The following SPATA17 variants were observed in gnomAD, a reference collection of about 807,000 sequenced individuals.
SPATA17 encodes spermatogenesis-associated protein 17.
SPATA17 carries 53 observed loss-of-function variants against 62.2 expected under a neutral mutation model. The observed-to-expected ratio is 0.85, with a 90% CI of 0.68 to 1.07. The LOEUF is 1.07. Ranked by LOEUF, SPATA17 falls within the 50% of genes least tolerant of loss-of-function variation. SPATA17 has a pLI of 0.00. For missense variants in SPATA17, 466 were observed against 425.5 expected (o/e 1.10, Z -0.84); for synonymous variants, 146 against 146.8 (o/e 0.99, Z 0.04).
At chr1:217,647,302 A>C (rs1670205148) in intron 1 of SPATA17, among the ~76,000 whole-genome samples, 1 of 152,164 alleles carries the variant, frequency 6.6e-6, no homozygotes, top group South Asian at 2.1e-4. Flanking sequence ...AAGTAGGGAG[A>C]GGTTTCAATG....
At chr1:217,687,907 CT>C (rs1368407797) in intron 5 of SPATA17, among the ~76,000 whole-genome samples, 1 of 152,166 alleles carries the variant, frequency 6.6e-6, no homozygotes, top group African/African-American at 2.4e-5. Context: ...TTAACTCTTT[CT>C]AACTTCTCTC....
intron 5 of SPATA17, among the ~76,000 whole-genome samples, chr1:217,696,393 G>T (rs950273076): frequency 9.2e-5 from 14 of 152,248 alleles, no homozygotes; most frequent in African/African-American, 3.4e-4. Context: ...CCCACTGTCT[G>T]GCACTCCCTA....
intron 6 of SPATA17, among the ~76,000 whole-genome samples, chr1:217,770,115 G>T (rs758730999): frequency 6.6e-6 from 1 of 152,120 alleles, no homozygotes; most frequent in South Asian, 2.1e-4. Flanking sequence ...ATTAGAGAGA[G>T]ATCTTTACTA....
At chr1:217,847,307 A>G (rs1465321384) in intron 9 of SPATA17, among the ~76,000 whole-genome samples, 2 of 152,114 alleles carry the variant, frequency 1.3e-5, no homozygotes, top group Admixed American at 6.6e-5. Flanking sequence ...GTAATAACAT[A>G]TAGACATTCC....
chr1:217,714,338 G>A (rs1671947101), intron 5 of SPATA17, among the ~76,000 whole-genome samples: 1 of 151,774 alleles, frequency 6.6e-6, no homozygotes, highest in African/African-American at 2.4e-5. Flanking sequence ...GCAGTGAGCC[G>A]AGAATGTGCT....
At position 217,743,979 on chromosome 1, in the gene SPATA17, G is replaced by C. The variant is rs111824477; in HGVS notation, c.519+1881G>C. Among the ~76,000 whole-genome samples, 367 of 152,108 alleles carry C rather than the reference G, an allele frequency of 2.4e-3. 6 individuals carry two copies. Among genetic ancestry groups the C allele is most frequent in the African/African-American group, 8.6e-3 (356 of 41,496 alleles). ...TTTTTCAAGGTTGTTGAGATACTGA[G>C]TATCTAGTGAAATGATTTAGAAAGT... On this transcript the variant is annotated intron_variant, in intron 6 of 10. Coordinates refer to ENST00000366933, the MANE Select transcript of SPATA17 (RefSeq NM_138796.4).
intron 9 of SPATA17, among the ~76,000 whole-genome samples, chr1:217,855,946 C>T (rs892769648): frequency 6.6e-5 from 10 of 151,722 alleles, no homozygotes; most frequent in South Asian, 2.1e-4. Flanking sequence ...AGGATGGTCT[C>T]GATCCCTTGA....
Position 217,632,012 on chromosome 1 carries a change from G to A in SPATA17, c.68+566G>A, listed in dbSNP as rs1242238392. Among the ~76,000 whole-genome samples the A allele has an allele frequency of 3.3e-5, 5 of 151,934 alleles. 1 individual carries two copies. The South Asian group carries it at 6.2e-4, about 19-fold the overall frequency. ...AACCAGGACAACATGGTGAAACCCC[G>A]TCTCTATTAAAAATACAAAAACTAG... On this transcript the variant is annotated intron_variant, in intron 1 of 10. Coordinates refer to ENST00000366933, the MANE Select transcript of SPATA17 (RefSeq NM_138796.4).
chr1:217,647,726 T>A (rs568933781), intron 1 of SPATA17, among the ~76,000 whole-genome samples: 44 of 134,466 alleles, frequency 3.3e-4, no homozygotes, highest in Admixed American at 1.8e-3. Flanking sequence ...CTTTTTAAAA[T>A]TTTTTTTTTT....
chr1:217,752,331 T>G (rs1672936134), intron 6 of SPATA17, among the ~76,000 whole-genome samples: 1 of 152,148 alleles, frequency 6.6e-6, no homozygotes. Flanking sequence ...CCTGGCAATA[T>G]TTTTTATAAT....
rs901904037 is a variant in SPATA17 at position 217,868,212 on chromosome 1, G to C, written c.*1193G>C. ...TAAAAGAATTATTGGTTTTTTTTAG[G>C]TGTCATGGTATTGTTTTGGTTTACA... is the stretch of plus-strand genomic sequence containing the variant. On this transcript the variant is annotated 3_prime_UTR_variant, in exon 11 of 11. Transcript: ENST00000366933. 7 of 152,050 alleles carry C rather than the reference G, an allele frequency of 4.6e-5. No individual in the cohort carries two copies. Among genetic ancestry groups the C allele is most frequent in the African/African-American group, 1.7e-4 (7 of 41,392 alleles). 9.4% of individuals were successfully genotyped at this position (152,050 alleles called of 1,614,324 possible). A position where few individuals can be genotyped will look rare whatever the true frequency, so the allele number is the denominator to read the frequency against.
chr1:217,690,530 G>A (rs1445300150), intron 5 of SPATA17, among the ~76,000 whole-genome samples: 9 of 132,152 alleles, frequency 6.8e-5, no homozygotes, highest in Non-Finnish European at 1.4e-4. Context: ...GGGTACATGT[G>A]CACATTGTGC....
chr1:217,786,023 A>T (rs536369273), intron 8 of SPATA17, among the ~76,000 whole-genome samples: 1 of 152,286 alleles, frequency 6.6e-6, no homozygotes, highest in East Asian at 1.9e-4. Context: ...ATTAATAAAT[A>T]ATTATGAAGG....
Position 217,870,329 on chromosome 1 carries a change from C to A in SPATA17, c.*3310C>A, listed in dbSNP as rs1353231423. The A allele has an allele frequency of 6.6e-6, 1 of 152,052 alleles. No homozygotes were observed. Among genetic ancestry groups the A allele is most frequent in the East Asian group, 1.9e-4 (1 of 5,178 alleles). 9.4% of individuals were successfully genotyped at this position (152,052 alleles called of 1,614,324 possible). A position where few individuals can be genotyped will look rare whatever the true frequency, so the allele number is the denominator to read the frequency against. On this transcript the variant is annotated 3_prime_UTR_variant, in exon 11 of 11. Coordinates refer to ENST00000366933, the MANE Select transcript of SPATA17 (RefSeq NM_138796.4). Reference sequence around the variant, plus strand: ...TTTTTGAATGCTTAAGGCTCTTTATCGCTAGTGTATGTAAGTAATATCATT... The same window carrying A: ...TTTTTGAATGCTTAAGGCTCTTTATAGCTAGTGTATGTAAGTAATATCATT...
intron 6 of SPATA17, among the ~76,000 whole-genome samples, chr1:217,750,330 T>C (rs149686336): frequency 3.0e-4 from 45 of 152,012 alleles, no homozygotes; most frequent in African/African-American, 1.1e-3. Context: ...GCCTAGAGTA[T>C]AAAGACCCAA....
intron 5 of SPATA17, among the ~76,000 whole-genome samples, chr1:217,706,492 A>G (rs1402174784): frequency 6.6e-6 from 1 of 152,186 alleles, no homozygotes. Context: ...GTGAATTCTC[A>G]CAAGACCTGA....
At chr1:217,723,750 CA>C (rs904424645) in intron 5 of SPATA17, among the ~76,000 whole-genome samples, 1 of 152,054 alleles carries the variant, frequency 6.6e-6, no homozygotes, top group Non-Finnish European at 1.5e-5. Flanking sequence ...GACGAGAGAC[CA>C]AAAAATCACA....
chr1:217,744,814 T>C (rs1672710270), intron 6 of SPATA17, among the ~76,000 whole-genome samples: 5 of 152,154 alleles, frequency 3.3e-5, no homozygotes, highest in African/African-American at 1.2e-4. Context: ...GGAGATTACC[T>C]TCAGTTTTCT....
chr1:217,850,428 C>G, intron 9 of SPATA17: 2 of 1,300,908 alleles, frequency 1.5e-6, no homozygotes, highest in Non-Finnish European at 1.1e-6. Flanking sequence ...GACGCTGGAC[C>G]AGGTACAGGG....
Sources: gnomAD v4.1 joint callset for allele counts (sites outside exome capture counted in the v4.1 genomes callset) on GRCh38, gnomAD v4.1.1 for gene constraint, MANE v1.5 for transcripts, NCBI Gene and HGNC (gene_info 2026-07-23, HGNC 2026-07-21) for gene names.